ERBB4: variants seen among roughly 807,000 people sequenced by gnomAD.
ERBB4 encodes receptor tyrosine-protein kinase erbB-4.
ERBB4 carries 42 observed loss-of-function variants against 158.0 expected under a neutral mutation model. The ratio of observed to expected loss-of-function variants is 0.27; its 90% CI spans 0.21 to 0.34. ERBB4 has a LOEUF of 0.34. Among genes scored for constraint, ERBB4 ranks in the 10% least tolerant of loss-of-function variants. The pLI is 1.00. For synonymous variants in ERBB4, 583 were observed against 558.7 expected (o/e 1.04, Z -0.61); for missense variants, 1,333 against 1,624.1 (o/e 0.82, Z 3.08).
chr2:211,889,443 T>C (rs544984353), intron 3 of ERBB4, among the ~76,000 whole-genome samples: 81 of 149,362 alleles, frequency 5.4e-4, no homozygotes, highest in Non-Finnish European at 9.2e-4. Flanking sequence ...ACCACAAAGA[T>C]GGGGAAAAAA....
rs776012647 is a variant in ERBB4 at position 211,745,715 on chromosome 2, G to GAAAA, written c.622+4920_622+4923dup. ...TTGTGCCCCCCACCCTCCACCGCCA[G>GAAAA]AAAAAAAACAAAAACAAAACAAAAA... On this transcript the variant is annotated intron_variant, in intron 5 of 27. Transcript: ENST00000342788. Among the ~76,000 whole-genome samples, 133 of 94,344 alleles carry GAAAA rather than the reference G, an allele frequency of 1.4e-3. 3 individuals are homozygous for GAAAA. Among genetic ancestry groups the GAAAA allele is most frequent in the African/African-American group, 2.0e-3 (59 of 30,016 alleles). 61.9% of individuals were successfully genotyped at this position (94,344 alleles called of 152,430 possible).
In ERBB4 at chr2:211,699,424, T is replaced by C. The variant is rs181698501; in HGVS notation, c.1489+2543A>G. 7.2e-5 allele frequency among the ~76,000 whole-genome samples: 11 copies of C among 152,064 alleles called. No homozygotes were observed. In the East Asian group the frequency reaches 1.5e-3, roughly 21 times the overall value. ...TTTAGACATTCCCATTTACAAAGAGTACTGGGGATTGTAAACATCAGCAGC... is the reference window on the plus strand; with the variant it reads ...TTTAGACATTCCCATTTACAAAGAGCACTGGGGATTGTAAACATCAGCAGC... On this transcript the variant is annotated intron_variant, in intron 12 of 27. Coordinates refer to ENST00000342788, the MANE Select transcript of ERBB4 (RefSeq NM_005235.3).
intron 2 of ERBB4, among the ~76,000 whole-genome samples, chr2:212,078,527 G>A (rs919860289): frequency 6.6e-6 from 1 of 151,892 alleles, no homozygotes; most frequent in Non-Finnish European, 1.5e-5. Context: ...AATTATCTTT[G>A]CAAGGAAGGA....
intron 4 of ERBB4, among the ~76,000 whole-genome samples, chr2:211,751,395 A>C (rs1336709320): frequency 6.6e-6 from 1 of 152,174 alleles, no homozygotes. Flanking sequence ...AAAGAATATT[A>C]GCTGGAAGAA....
chr2:211,836,348 T>G (rs778017308), intron 3 of ERBB4, among the ~76,000 whole-genome samples: 1 of 152,030 alleles, frequency 6.6e-6, no homozygotes, highest in Non-Finnish European at 1.5e-5. Context: ...TCTGCAAGAA[T>G]CCATATGCAA....
At chr2:212,101,257 T>C (rs1428804270) in intron 2 of ERBB4, among the ~76,000 whole-genome samples, 1 of 151,496 alleles carries the variant, frequency 6.6e-6, no homozygotes, top group South Asian at 2.1e-4. Flanking sequence ...AATATCATTA[T>C]TGGATAAGTA....
chr2:211,411,650 G>A (rs868228329), intron 25 of ERBB4, among the ~76,000 whole-genome samples: 1 of 152,194 alleles, frequency 6.6e-6, no homozygotes, highest in South Asian at 2.1e-4. Context: ...TTGGAGAAGA[G>A]TGGAAAATAA....
rs892201994 is a variant in ERBB4 at position 212,387,492 on chromosome 2, A to G, written c.82+150957T>C. ...TTTTTTTGAGACAAAGTCTCAGCTC[A>G]CTGAAACCTCTGCCTCCTGGGCTCA... On this transcript the variant is annotated intron_variant, in intron 1 of 27. Coordinates refer to ENST00000342788, the MANE Select transcript of ERBB4 (RefSeq NM_005235.3). Among the ~76,000 whole-genome samples, 22 of 151,010 alleles carry G rather than the reference A, an allele frequency of 1.5e-4. 1 individual carries two copies. The highest frequency in any genetic ancestry group is 1.3e-3 in the Admixed American group (20 of 15,116).
chr2:211,846,230 C>T (rs2077585787), intron 3 of ERBB4, among the ~76,000 whole-genome samples: 1 of 152,072 alleles, frequency 6.6e-6, no homozygotes. Context: ...GCTTTAGCAG[C>T]TGCCCAGCTT....
rs370621827 is a variant in ERBB4, at chr2:211,801,346, T to C, written c.422-13187A>G. ...CTGGATTAAATACCGCTCAATATCA[T>C]ACGAGAACTGAAATATCTTCTTGAA... On this transcript the variant is annotated intron_variant, in intron 3 of 27. Transcript: ENST00000342788. 2.0e-4 allele frequency among the ~76,000 whole-genome samples: 30 copies of C among 152,260 alleles called. No homozygotes were observed. In the East Asian group the frequency reaches 4.6e-3, roughly 24 times the overall value.
At position 211,561,919 on chromosome 2, in the gene ERBB4, C is replaced by A. The variant is rs1406488913; in HGVS notation, c.2471G>T (p.Cys824Phe). 1 of 1,613,946 alleles carries A rather than the reference C, an allele frequency of 6.2e-7. No homozygotes were observed. Among genetic ancestry groups the A allele is most frequent in the East Asian group, 2.2e-5 (1 of 44,876 alleles). Residue 824 changes from cysteine to phenylalanine, a missense_variant, in exon 20 of 28, where the codon TGT (cysteine) becomes TTT (phenylalanine). This residue lies in a region of ERBB4 where 314 missense variants were observed against 437.6 expected (regional missense o/e 0.72). Transcript: ENST00000342788. ...NIGSQLLLNW[C>F]VQIAKGMMYL... ...GGCACTTACCTTAGCTATCTGGACA[C>A]ACCAGTTAAGCAGCAGTTGTGATCC...
chr2:212,010,045 T>C (rs1202758209), intron 2 of ERBB4, among the ~76,000 whole-genome samples: 1 of 152,216 alleles, frequency 6.6e-6, no homozygotes. Flanking sequence ...TTTTACCAGC[T>C]TTGGAATGCT....
chr2:212,416,686 A>T (rs916525744), intron 1 of ERBB4, among the ~76,000 whole-genome samples: 37 of 152,216 alleles, frequency 2.4e-4, no homozygotes, highest in Admixed American at 2.4e-3. Context: ...GCACTGCAGT[A>T]CATTACTGAC....
At chr2:211,749,495 G>C (rs1025306282) in intron 5 of ERBB4, among the ~76,000 whole-genome samples, 16 of 147,674 alleles carry the variant, frequency 1.1e-4, no homozygotes, top group Middle Eastern at 3.2e-3. Context: ...GAGAGCTGAG[G>C]GAAAAAGGTG....
chr2:212,363,514 A>T (rs1159004627), intron 1 of ERBB4, among the ~76,000 whole-genome samples: 1 of 151,564 alleles, frequency 6.6e-6, no homozygotes, highest in Non-Finnish European at 1.5e-5. Context: ...TAATATTCAC[A>T]TTTAATCTGA....
chr2:211,772,930 T>C lies in ERBB4; in HGVS notation c.556+15095A>G, dbSNP rs1312760350. On this transcript the variant is annotated intron_variant, in intron 4 of 27. Transcript: ENST00000342788. ...ATATACACACACACACACACATATA[T>C]ATATATATATATATATATATATATA... Among the ~76,000 whole-genome samples the C allele has an allele frequency of 4.3e-3, 277 of 64,622 alleles. 13 individuals carry two copies. The highest frequency in any genetic ancestry group is 0.026 in the African/African-American group (253 of 9,568). 42.4% of individuals were successfully genotyped at this position (64,622 alleles called of 152,430 possible). A position where few individuals can be genotyped will look rare whatever the true frequency, so the allele number is the denominator to read the frequency against.
chr2:211,909,104 T>C (rs575695447), intron 3 of ERBB4, among the ~76,000 whole-genome samples: 11 of 151,796 alleles, frequency 7.2e-5, no homozygotes, highest in African/African-American at 2.4e-4. Flanking sequence ...TTAATGTTCA[T>C]ATATGCTTAG....
chr2:211,629,744 C>A (rs960632566), intron 17 of ERBB4, among the ~76,000 whole-genome samples: 2 of 151,846 alleles, frequency 1.3e-5, no homozygotes, highest in Non-Finnish European at 1.5e-5. Context: ...ATAATGCCGC[C>A]TATCTACAAC....
At chr2:211,983,912 T>C (rs921656927) in intron 2 of ERBB4, among the ~76,000 whole-genome samples, 6 of 152,242 alleles carry the variant, frequency 3.9e-5, no homozygotes, top group Non-Finnish European at 8.8e-5. Context: ...AATAATGATC[T>C]ATTATTGATC....
Sources: allele counts gnomAD v4.1 joint callset (sites outside exome capture counted in the v4.1 genomes callset), GRCh38; gene constraint gnomAD v4.1.1; regional missense constraint gnomAD v4.1.1; transcripts MANE v1.5; gene names NCBI Gene and HGNC (gene_info 2026-07-23, HGNC 2026-07-21).